Variants in NEO1 observed in about 807,000 individuals in gnomAD.
NEO1 encodes the protein neogenin 1.
In NEO1, 63 loss-of-function variants were observed where a neutral mutation model predicts 159.7. The ratio of observed to expected loss-of-function variants is 0.39; its 90% CI spans 0.32 to 0.49. NEO1 has a LOEUF of 0.49. NEO1 is among the 20% of genes least tolerant of loss of function. The pLI, the probability that NEO1 is intolerant of heterozygous loss-of-function variation, is 0.85. For missense variants in NEO1, 1,615 were observed against 1,831.0 expected (o/e 0.88, Z 2.15); for synonymous variants, 633 against 662.0 (o/e 0.96, Z 0.67).
rs57566986 is a variant in NEO1 at position 73,244,954 on chromosome 15, CAAAAAA to C, written c.1606+480_1606+485del. ...TGGGTGACAGAGTGAGACTCTGTCT[CAAAAAA>C]AAAAAAAAAAAAAAAAAAAAAAACA... On this transcript the variant is annotated intron_variant, in intron 9 of 28. Transcript: ENST00000261908. 9.5e-3 allele frequency among the ~76,000 whole-genome samples: 157 copies of C among 16,504 alleles called. 1 individual carries two copies. The highest frequency in any genetic ancestry group is 0.014 in the Non-Finnish European group (123 of 8,764). The allele number at this position is 16,504 out of a possible 152,430, so 10.8% of individuals were successfully genotyped here.
chr15:73,296,881 A>G (rs1307802292), intron 26 of NEO1, among the ~76,000 whole-genome samples: 1 of 152,232 alleles, frequency 6.6e-6, no homozygotes, highest in African/African-American at 2.4e-5. Flanking sequence ...TGTAAAACTT[A>G]TGAATTATTT....
rs1184844506 is a variant in NEO1 at position 73,126,436 on chromosome 15, C to G, written c.744C>G (p.Asp248Glu). The G allele has an allele frequency of 6.3e-7, 1 of 1,599,040 alleles. No individual in the cohort carries two copies. The highest frequency in any genetic ancestry group is 1.7e-5 in the Admixed American group (1 of 57,804). Residue 248 changes from aspartate to glutamate, a missense_variant, in exon 4 of 29, where the codon GAC becomes GAG. Physicochemically the swap from Asp to Glu is conservative, Grantham distance 45. Coordinates refer to ENST00000261908, the MANE Select transcript of NEO1 (RefSeq NM_002499.4). ...KVLPDPEVIS[D>E]LVFLKQPSPL... ...TTTTAGATCCTGAGGTGATATCAGA[C>G]TTGGTATTTTTGAAACAGCCTTCTC...
intron 27 of NEO1, 32 bp downstream of exon 27, chr15:73,298,643 G>A (rs2042473227): frequency 6.2e-7 from 1 of 1,612,554 alleles, no homozygotes; most frequent in South Asian, 1.1e-5. Flanking sequence ...CCTGGAGGGA[G>A]CACACCTGGA....
chr15:73,282,108 GCCTCAGGGT>G (rs2041746100), intron 22 of NEO1, among the ~76,000 whole-genome samples: 1 of 152,016 alleles, frequency 6.6e-6, no homozygotes, highest in South Asian at 2.1e-4. Context: ...GCTTGTTCCT[GCCTCAGGGT>G]CCTTTCCCTT....
chr15:73,090,852 G>A (rs2069648604), intron 1 of NEO1, among the ~76,000 whole-genome samples: 1 of 151,982 alleles, frequency 6.6e-6, no homozygotes, highest in Non-Finnish European at 1.5e-5. Flanking sequence ...CATATTTTTT[G>A]TTACAATATA....
At chr15:73,140,988 C>T (rs988020425) in intron 5 of NEO1, among the ~76,000 whole-genome samples, 4 of 152,218 alleles carry the variant, frequency 2.6e-5, no homozygotes, top group South Asian at 2.1e-4. Context: ...TTGCACAGCC[C>T]GGCTTCTGGT....
chr15:73,288,804 C>T (rs1437088418), intron 24 of NEO1, among the ~76,000 whole-genome samples: 1 of 152,038 alleles, frequency 6.6e-6, no homozygotes, highest in African/African-American at 2.4e-5. Flanking sequence ...GCGTGATATT[C>T]AAGGATTTGA....
At chr15:73,293,586 CAA>C (rs774699154) in intron 26 of NEO1, 38 bp downstream of exon 26, 57 of 1,580,298 alleles carry the variant, frequency 3.6e-5, no homozygotes, top group Non-Finnish European at 4.4e-5. Context: ...GAAACCATTC[CAA>C]AAGAGTCGGC....
Position 73,249,591 on chromosome 15 carries a change from T to C in NEO1, c.1764T>C (p.Asp588=). The C allele has an allele frequency of 6.2e-7, 1 of 1,600,384 alleles. No homozygotes were observed. Among genetic ancestry groups the C allele is most frequent in the Non-Finnish European group, 8.5e-7 (1 of 1,176,366 alleles). ...EKGTDKEQDV[D]VSSHSYTING... is the part of the protein sequence containing the mutation. ...GTTTTATTTTATTCAAGGATGTTGATGTTTCAAGTCACTCTTACACCATTA... is the reference window on the plus strand; with the variant it reads ...GTTTTATTTTATTCAAGGATGTTGACGTTTCAAGTCACTCTTACACCATTA... Residue 588 remains aspartate, a synonymous_variant, in exon 11 of 29, where the codon GAT becomes GAC. Transcript: ENST00000261908.
At chr15:73,244,809 G>T (rs930543235) in intron 9 of NEO1, among the ~76,000 whole-genome samples, 2 of 151,252 alleles carry the variant, frequency 1.3e-5, no homozygotes, top group Non-Finnish European at 1.5e-5. Context: ...AAATTAGCCG[G>T]GTATGGTAGT....
At chr15:73,092,571 C>A (rs139254279) in intron 1 of NEO1, among the ~76,000 whole-genome samples, 1 of 152,058 alleles carries the variant, frequency 6.6e-6, no homozygotes, top group Non-Finnish European at 1.5e-5. Context: ...TCTTCTGTAC[C>A]TGGTCTTTTT....
At chr15:73,222,053 T>C (rs1278468456) in intron 7 of NEO1, 1 of 154,956 alleles carries the variant, frequency 6.5e-6, no homozygotes, top group East Asian at 1.9e-4. Context: ...ACCGGAGCTG[T>C]TCCTATTCGG....
chr15:73,168,469 G>T (rs1007024695), intron 5 of NEO1, among the ~76,000 whole-genome samples: 8 of 151,628 alleles, frequency 5.3e-5, no homozygotes, highest in Non-Finnish European at 1.0e-4. Flanking sequence ...AAAGTGCTAG[G>T]ATTACAGGTG....
chr15:73,225,625 C>A (rs1486857273), intron 7 of NEO1, among the ~76,000 whole-genome samples: 3 of 152,104 alleles, frequency 2.0e-5, no homozygotes, highest in Non-Finnish European at 4.4e-5. Flanking sequence ...AACCAAAGGG[C>A]CAGTCTCATT....
chr15:73,248,206 A>C (rs10048053), intron 9 of NEO1, among the ~76,000 whole-genome samples: 66,827 of 151,964 alleles, frequency 0.44, 15,733 homozygotes, highest in Admixed American at 0.53. Flanking sequence ...AATTATTATT[A>C]TTTTATCTAG....
chr15:73,086,684 C>CTT (rs56321563), intron 1 of NEO1, among the ~76,000 whole-genome samples: 15,638 of 121,914 alleles, frequency 0.13, 1,913 homozygotes, highest in African/African-American at 0.28. Context: ...TTCTAGATTT[C>CTT]TTTTTTTTTT....
chr15:73,163,369 T>C (rs755756704), intron 5 of NEO1, among the ~76,000 whole-genome samples: 2 of 152,210 alleles, frequency 1.3e-5, no homozygotes, highest in Non-Finnish European at 2.9e-5. Context: ...CCTCCTTTAT[T>C]GCCCCTTCCC....
intron 1 of NEO1, among the ~76,000 whole-genome samples, chr15:73,080,076 T>C (rs2068964350): frequency 6.6e-6 from 1 of 152,196 alleles, no homozygotes; most frequent in African/African-American, 2.4e-5. Context: ...GGGAAAACTG[T>C]TCCTGGGGGA....
intron 3 of NEO1, 58 bp from the exon 4 acceptor site, chr15:73,126,359 C>T (rs1280907326): frequency 6.8e-7 from 1 of 1,473,550 alleles, no homozygotes; most frequent in African/African-American, 1.4e-5. Context: ...TGTGAGCCAC[C>T]ATGTCCAGCC....
Sources: gnomAD v4.1 joint callset for allele counts (sites outside exome capture counted in the v4.1 genomes callset) on GRCh38, gnomAD v4.1.1 for gene constraint, MANE v1.5 for transcripts, NCBI Gene and HGNC (gene_info 2026-07-23, HGNC 2026-07-21) for gene names.